The following NME7 variants were observed in gnomAD, a reference collection of about 807,000 sequenced individuals.
NME7 encodes the protein NME/NM23 family member 7.
Under a neutral mutation model 49.1 loss-of-function variants are expected in NME7, and 41 were observed. That is an observed-to-expected ratio of 0.83 (90% CI 0.65 to 1.08). The LOEUF is 1.08. NME7 is among the 50% of genes least tolerant of loss of function. The pLI is 0.00. For synonymous variants in NME7, 139 were observed against 150.6 expected, an observed-to-expected ratio of 0.92 and a Z score of 0.56; for missense variants, 423 against 463.4, an observed-to-expected ratio of 0.91 and a Z score of 0.80.
intron 11 of NME7, among the ~76,000 whole-genome samples, 187 bp downstream of exon 11, chr1:169,169,257 GTGA>G (rs1213281683): frequency 6.6e-6 from 1 of 152,084 alleles, no homozygotes; most frequent in East Asian, 1.9e-4. Context: ...CCTAATGTAG[GTGA>G]TGGGTTGATG....
At position 169,323,250 on chromosome 1, in the gene NME7, G is replaced by A. The variant is rs369065175; in HGVS notation, c.145C>T (p.Arg49Trp). 4.6e-5 allele frequency: 74 copies of A among 1,599,396 alleles called. No homozygotes were observed. Among genetic ancestry groups the A allele is most frequent in the South Asian group, 4.0e-4 (35 of 87,538 alleles). ...AAGTGCAGGTTATCATATTTGGTCC[G>A]CTTTAAAAAGGTGCGATGATTCTTT... is the stretch of plus-strand genomic sequence containing the variant. ...DVKNHRTFLK[R>W]TKYDNLHLED... is the part of the protein sequence containing the mutation. The change falls in exon 3 of 12, where the codon CGG becomes TGG. Residue 49 changes from arginine to tryptophan, a missense_variant. By Grantham distance (101) the Arg-to-Trp change is moderately radical. Transcript: ENST00000367811.
intron 10 of NME7, among the ~76,000 whole-genome samples, chr1:169,181,866 C>T (rs747267289): frequency 2.0e-5 from 3 of 152,154 alleles, no homozygotes; most frequent in Non-Finnish European, 4.4e-5. Context: ...CCACATGATA[C>T]CACAGTCCAG....
chr1:169,275,336 G>A lies in NME7; in HGVS notation c.754+11967C>T, dbSNP rs537180325. Among the ~76,000 whole-genome samples, 105 of 129,328 alleles carry A rather than the reference G, an allele frequency of 8.1e-4. 12 individuals are homozygous for A. Among genetic ancestry groups the A allele is most frequent in the African/African-American group, 2.4e-3 (93 of 38,664 alleles). The allele number at this position is 129,328 out of a possible 152,430, so 84.8% of individuals were successfully genotyped here. ...ACTAAAAAAAATACAAAAATTAGCC[G>A]GGCATGGTGGCGCGTGCCTGTAGTC... On this transcript the variant is annotated intron_variant, in intron 7 of 11. Coordinates refer to ENST00000367811, the MANE Select transcript of NME7 (RefSeq NM_013330.5).
intron 7 of NME7, chr1:169,284,328 ATT>A (rs1650173364): frequency 2.6e-5 from 4 of 151,894 alleles, no homozygotes; most frequent in African/African-American, 9.7e-5. Context: ...TGCATTGGTT[ATT>A]CTAGTTAGCA....
chr1:169,238,270 A>G (rs1647938839), intron 7 of NME7, among the ~76,000 whole-genome samples: 2 of 151,994 alleles, frequency 1.3e-5, no homozygotes, highest in Admixed American at 1.3e-4. Flanking sequence ...AAAAAGGAAA[A>G]GAGATTGAAT....
chr1:169,198,155 C>T (rs1169745604), intron 10 of NME7, among the ~76,000 whole-genome samples: 1 of 151,998 alleles, frequency 6.6e-6, no homozygotes, highest in Non-Finnish European at 1.5e-5. Flanking sequence ...CACAATCAGA[C>T]ATCACTTCAC....
chr1:169,349,469 C>G (rs1227978497), intron 1 of NME7, among the ~76,000 whole-genome samples: 1 of 152,198 alleles, frequency 6.6e-6, no homozygotes, highest in Non-Finnish European at 1.5e-5. Flanking sequence ...AGTGAATTCT[C>G]TTCCATTGCT....
intron 10 of NME7, among the ~76,000 whole-genome samples, chr1:169,203,433 A>G (rs1660599758): frequency 6.6e-6 from 1 of 152,158 alleles, no homozygotes; most frequent in African/African-American, 2.4e-5. Context: ...ATTGTGAGAC[A>G]AAGAATTCTG....
chr1:169,319,680 T>C (rs1391869047), intron 3 of NME7, among the ~76,000 whole-genome samples: 1 of 152,212 alleles, frequency 6.6e-6, no homozygotes, highest in Non-Finnish European at 1.5e-5. Flanking sequence ...ATACACACAG[T>C]TGACTTCATA....
At chr1:169,234,768 G>A (rs1366802016) in intron 9 of NME7, among the ~76,000 whole-genome samples, 3 of 152,080 alleles carry the variant, frequency 2.0e-5, no homozygotes, top group Non-Finnish European at 4.4e-5. Context: ...CTGCAGGCTG[G>A]TTGCAATGAA....
chr1:169,183,661 G>C (rs544184690), intron 10 of NME7, among the ~76,000 whole-genome samples: 1 of 150,172 alleles, frequency 6.7e-6, no homozygotes, highest in African/African-American at 2.4e-5. Context: ...AATTAGCCGG[G>C]CATGGTGGCA....
chr1:169,190,764 C>T, intron 10 of NME7: 1 of 339,620 alleles, frequency 2.9e-6, no homozygotes, highest in Admixed American at 4.0e-5. Context: ...ATAAATATGG[C>T]ATTTATCACA....
chr1:169,184,709 G>A (rs79184651), intron 10 of NME7, among the ~76,000 whole-genome samples: 199 of 152,126 alleles, frequency 1.3e-3, no homozygotes, highest in African/African-American at 4.5e-3. Flanking sequence ...CTAGAAATAA[G>A]GAAATAAAAA....
At chr1:169,152,630 G>A (rs1320968) in intron 11 of NME7, among the ~76,000 whole-genome samples, 57,415 of 151,986 alleles carry the variant, frequency 0.38, 11,322 homozygotes, top group East Asian at 0.74. Flanking sequence ...GAGGACAGGG[G>A]AGGAGACAGA....
intron 11 of NME7, among the ~76,000 whole-genome samples, chr1:169,137,762 A>G (rs1261484887): frequency 6.6e-6 from 1 of 152,174 alleles, no homozygotes; most frequent in Non-Finnish European, 1.5e-5. Context: ...AGGAGTGGTA[A>G]CTGAAAGAAG....
intron 7 of NME7, chr1:169,284,507 C>T (rs1346211518): frequency 6.6e-6 from 1 of 151,972 alleles, no homozygotes; most frequent in African/African-American, 2.4e-5. Flanking sequence ...GGATAGATTG[C>T]AAAAATTTTC....
At chr1:169,177,857 G>A (rs1221657811) in intron 10 of NME7, among the ~76,000 whole-genome samples, 1 of 151,692 alleles carries the variant, frequency 6.6e-6, no homozygotes, top group African/African-American at 2.4e-5. Flanking sequence ...TTTTTTTTGA[G>A]ACAGAGTCTA....
chr1:169,338,430 GA>G (rs1239981440), intron 1 of NME7, among the ~76,000 whole-genome samples: 1 of 152,160 alleles, frequency 6.6e-6, no homozygotes. Flanking sequence ...TTTTGTTAGT[GA>G]AAAATGCCAG....
chr1:169,359,135 T>C (rs769847640), intron 1 of NME7, among the ~76,000 whole-genome samples: 3 of 152,152 alleles, frequency 2.0e-5, no homozygotes, highest in Non-Finnish European at 4.4e-5. Context: ...TACAATGATA[T>C]AGCATTTGCA....
Sources: gnomAD v4.1 joint callset for allele counts (sites outside exome capture counted in the v4.1 genomes callset) on GRCh38, gnomAD v4.1.1 for gene constraint, MANE v1.5 for transcripts, NCBI Gene and HGNC (gene_info 2026-07-23, HGNC 2026-07-21) for gene names.